NT5E: variants seen among roughly 807,000 people sequenced by gnomAD.
The protein encoded by NT5E is 5'-nucleotidase.
A neutral mutation model predicts 55.1 loss-of-function variants in NT5E; 53 were observed. The ratio of observed to expected loss-of-function variants is 0.96; its 90% CI spans 0.77 to 1.21. The LOEUF (loss-of-function observed/expected upper bound fraction) is 1.21, where lower values mean the gene tolerates loss of function less well. Ranked by LOEUF, NT5E falls within the 50% of genes most tolerant of loss-of-function variation. The probability of loss-of-function intolerance (pLI) is 0.00; values close to 1 mark genes in which losing one functional copy is unlikely to be tolerated. For missense variants in NT5E, 683 were observed against 724.3 expected, an observed-to-expected ratio of 0.94 and a Z score of 0.65; for synonymous variants, 270 against 278.4, an observed-to-expected ratio of 0.97 and a Z score of 0.30.
In NT5E at chr6:85,467,111, C is replaced by G. The variant is rs1769211883; in HGVS notation, c.391C>G (p.Leu131Val). 6.2e-7 allele frequency: 1 copy of G among 1,614,162 alleles called. No individual in the cohort carries two copies. Among genetic ancestry groups the G allele is most frequent in the Non-Finnish European group, 8.5e-7 (1 of 1,180,024 alleles). Residue 131 changes from leucine to valine, a missense_variant, in exon 2 of 9, where the codon CTC becomes GTC. By Grantham distance (32) the Leu-to-Val change is conservative (BLOSUM62 1). Transcript: ENST00000257770. ...TGGTGTGGAAGGACTGATCGAGCCA[C>G]TCCTCAAAGAGGCCAAATTTCCAAT... ...DNGVEGLIEP[L>V]LKEAKFPILS...
intron 1 of NT5E, among the ~76,000 whole-genome samples, chr6:85,461,376 C>T (rs887966560): frequency 2.0e-5 from 3 of 152,152 alleles, no homozygotes; most frequent in Non-Finnish European, 2.9e-5. Context: ...GTTTTGAAAG[C>T]CTCTGACAAA....
At chr6:85,459,061 C>A (rs1769043546) in intron 1 of NT5E, among the ~76,000 whole-genome samples, 4 of 152,172 alleles carry the variant, frequency 2.6e-5, no homozygotes, top group African/African-American at 4.8e-5. Flanking sequence ...AATTTGTAAT[C>A]CTCCCTGGAT....
chr6:85,480,877 T>G (rs897809083), intron 3 of NT5E, among the ~76,000 whole-genome samples: 2 of 152,186 alleles, frequency 1.3e-5, no homozygotes, highest in African/African-American at 4.8e-5. Flanking sequence ...TAAATGTCTC[T>G]CCTATGGTCC....
In NT5E at chr6:85,492,009, C is replaced by A. The variant is rs748280726; in HGVS notation, c.1393C>A (p.Pro465Thr). 5.0e-6 allele frequency: 8 copies of A among 1,614,008 alleles called. No homozygotes were observed. The highest frequency in any genetic ancestry group is 1.6e-4 in the Middle Eastern group (1 of 6,080). Reference sequence around the variant, plus strand: ...TGTGGTGTATGATCTTTCCCGAAAACCTGGAGACAGAGTAGTCAAATTAGA... The same window carrying A: ...TGTGGTGTATGATCTTTCCCGAAAAACTGGAGACAGAGTAGTCAAATTAGA... Reference protein sequence around the residue: ...IHVVYDLSRKPGDRVVKLDVL... With the variant: ...IHVVYDLSRKTGDRVVKLDVL... Residue 465 changes from proline (P) to threonine (T), a missense_variant, in exon 8 of 9, where the codon CCT becomes ACT. By Grantham distance (38) the Pro-to-Thr change is conservative. Transcript: ENST00000257770.
Position 85,492,172 on chromosome 6 carries a change from A to G in NT5E, c.1556A>G (p.Asp519Gly), listed in dbSNP as rs767662310. The G allele has an allele frequency of 1.9e-6, 3 of 1,613,860 alleles. No individual in the cohort carries two copies. Among genetic ancestry groups the G allele is most frequent in the Non-Finnish European group, 1.7e-6 (2 of 1,179,850 alleles). The change falls in exon 8 of 9, where the codon GAC becomes GGC. Residue 519 changes from aspartate (D) to glycine (G), a missense_variant. Coordinates refer to ENST00000257770, the MANE Select transcript of NT5E (RefSeq NM_002526.4). ...ATAAAAGATGAATTATTAAGACATG[A>G]CTCTGGTAAGCATGACTGTCTCTTC... ...QMIKDELLRH[D>G]SGDQDINVVS...
chr6:85,475,721 C>G (rs1769420520), intron 3 of NT5E, among the ~76,000 whole-genome samples: 1 of 152,152 alleles, frequency 6.6e-6, no homozygotes, highest in South Asian at 2.1e-4. Context: ...CTGTTTGCCT[C>G]CCAGTATTTT....
chr6:85,467,824 G>A (rs905220191), intron 2 of NT5E, among the ~76,000 whole-genome samples: 1 of 151,378 alleles, frequency 6.6e-6, no homozygotes, highest in African/African-American at 2.4e-5. Context: ...ATAAGTGTAT[G>A]TATATACATT....
intron 6 of NT5E, among the ~76,000 whole-genome samples, 176 bp from the exon 7 acceptor site, chr6:85,490,332 G>C (rs1328055273): frequency 2.6e-5 from 4 of 152,216 alleles, no homozygotes; most frequent in African/African-American, 7.2e-5. Flanking sequence ...AGGGCCAGAG[G>C]CCTCCTAAAC....
At chr6:85,474,902 CCA>C (rs1769395434) in intron 3 of NT5E, among the ~76,000 whole-genome samples, 1 of 152,140 alleles carries the variant, frequency 6.6e-6, no homozygotes, top group Non-Finnish European at 1.5e-5. Flanking sequence ...CCACTGAACT[CCA>C]GTCTGAGTGA....
At position 85,471,351 on chromosome 6, in the gene NT5E, A is replaced by G. The variant is rs762754900; in HGVS notation, c.677A>G (p.Asp226Gly). 6.2e-7 allele frequency: 1 copy of G among 1,613,264 alleles called. No homozygotes were observed. Among genetic ancestry groups the G allele is most frequent in the Admixed American group, 1.7e-5 (1 of 59,996 alleles). The change falls in exon 3 of 9, where the codon GAT becomes GGT. Residue 226 changes from aspartate to glycine, a missense_variant. By Grantham distance (94) the Asp-to-Gly change is moderately conservative. Coordinates refer to ENST00000257770, the MANE Select transcript of NT5E (RefSeq NM_002526.4). ...IALGHSGFEMDKLIAQKVRGV... is the reference protein window; with the variant it reads ...IALGHSGFEMGKLIAQKVRGV... ...CTGGGACATTCGGGTTTTGAAATGGATAAACTCATCGCTCAGAAAGTGAGG... is the reference window on the plus strand; with the variant it reads ...CTGGGACATTCGGGTTTTGAAATGGGTAAACTCATCGCTCAGAAAGTGAGG...
At chr6:85,459,611 C>G (rs920984862) in intron 1 of NT5E, among the ~76,000 whole-genome samples, 2 of 152,124 alleles carry the variant, frequency 1.3e-5, no homozygotes, top group Non-Finnish European at 2.9e-5. Flanking sequence ...TTTTTGAAAC[C>G]CAAATACCTG....
intron 1 of NT5E, among the ~76,000 whole-genome samples, chr6:85,465,691 A>G (rs990475847): frequency 6.6e-6 from 1 of 152,202 alleles, no homozygotes; most frequent in Non-Finnish European, 1.5e-5. Context: ...CAACCCTTGC[A>G]GGCACAGGTA....
chr6:85,471,408 A>G lies in NT5E; in HGVS notation c.734A>G (p.Asn245Ser). Reference sequence around the variant, plus strand: ...GACGTCGTGGTGGGAGGACACTCCAACACATTTCTTTACACAGGTAATTGT... The same window carrying G: ...GACGTCGTGGTGGGAGGACACTCCAGCACATTTCTTTACACAGGTAATTGT... ...GVDVVVGGHS[N>S]TFLYTGNPPS... is the part of the protein sequence containing the mutation. The change falls in exon 3 of 9, where the codon AAC (asparagine) becomes AGC (serine). Residue 245 changes from asparagine to serine, a missense_variant. Asn to Ser is a conservative substitution (Grantham distance 46). Coordinates refer to ENST00000257770, the MANE Select transcript of NT5E (RefSeq NM_002526.4). 6.2e-6 allele frequency: 10 copies of G among 1,612,870 alleles called. No individual in the cohort carries two copies. Among genetic ancestry groups the G allele is most frequent in the African/African-American group, 1.3e-5 (1 of 75,040 alleles).
At position 85,487,343 on chromosome 6, in the gene NT5E, A is replaced by G; in HGVS notation, c.958A>G (p.Ile320Val). 1 of 1,613,492 alleles carries G rather than the reference A, an allele frequency of 6.2e-7. No individual in the cohort carries two copies. The highest frequency in any genetic ancestry group is 8.5e-7 in the Non-Finnish European group (1 of 1,179,382). ...LNSSIPEDPSIKADINKWRIK... is the reference protein window; with the variant it reads ...LNSSIPEDPSVKADINKWRIK... ...TCTTTTCTTTCTTCTAGATCCAAGC[A>G]TAAAAGCAGACATTAACAAATGGAG... The change falls in exon 5 of 9, where the codon ATA (isoleucine) becomes GTA (valine). Residue 320 changes from isoleucine to valine, a missense_variant. Ile to Val is a conservative substitution (Grantham distance 29). Coordinates refer to ENST00000257770, the MANE Select transcript of NT5E (RefSeq NM_002526.4).
intron 2 of NT5E, among the ~76,000 whole-genome samples, chr6:85,468,343 G>A (rs923408968): frequency 2.6e-5 from 4 of 152,124 alleles, no homozygotes; most frequent in Non-Finnish European, 5.9e-5. Context: ...AAGAGTGAGA[G>A]AACTTGCTAA....
intron 3 of NT5E, among the ~76,000 whole-genome samples, chr6:85,477,714 C>T (rs1017505234): frequency 6.6e-6 from 1 of 152,210 alleles, no homozygotes; most frequent in Non-Finnish European, 1.5e-5. Context: ...TTATTACTTA[C>T]AACATTCACA....
rs772505505 is a variant in NT5E at position 85,495,124 on chromosome 6, T to G, written c.*1120T>G. 22 of 152,236 alleles carry G rather than the reference T, an allele frequency of 1.4e-4. No individual in the cohort carries two copies. Among genetic ancestry groups the G allele is most frequent in the Non-Finnish European group, 2.6e-4 (18 of 68,044 alleles). The allele number at this position is 152,236 out of a possible 1,614,324, so 9.4% of individuals were successfully genotyped here. On this transcript the variant is annotated 3_prime_UTR_variant, in exon 9 of 9. Coordinates refer to ENST00000257770, the MANE Select transcript of NT5E (RefSeq NM_002526.4). ...CCCAGTTATGGAATGTCCAGAGTTC[T>G]CGAAGAAAATAAATGACTTTAGGAA...
intron 3 of NT5E, among the ~76,000 whole-genome samples, chr6:85,481,013 G>C (rs1769538991): frequency 6.6e-6 from 1 of 152,098 alleles, no homozygotes; most frequent in Non-Finnish European, 1.5e-5. Flanking sequence ...GAGGGGACCT[G>C]GGGTAAAGGG....
rs544841338 is a variant in NT5E, at chr6:85,484,105, G to A, written c.752-1130G>A. ...TAAGCCCAGGGCCTGGCTCATGGCC[G>A]ATTCTCGTAACAGGTCCATGTGTGT... On this transcript the variant is annotated intron_variant, in intron 3 of 8. Transcript: ENST00000257770. Among the ~76,000 whole-genome samples, 7 of 152,306 alleles carry A rather than the reference G, an allele frequency of 4.6e-5. No individual in the cohort carries two copies. The East Asian group carries it at 1.2e-3, about 25-fold the overall frequency.
Sources: gnomAD v4.1 joint callset for allele counts (sites outside exome capture counted in the v4.1 genomes callset) on GRCh38, gnomAD v4.1.1 for gene constraint, MANE v1.5 for transcripts, NCBI Gene and HGNC (gene_info 2026-07-23, HGNC 2026-07-21) for gene names.